Variants in RALGAPA1 observed in about 807,000 individuals in gnomAD.
The protein encoded by RALGAPA1 is Ral GTPase activating protein catalytic subunit alpha 1.
In RALGAPA1, 52 loss-of-function variants were observed where a neutral mutation model predicts 269.6. The ratio of observed to expected loss-of-function variants is 0.19; its 90% CI spans 0.15 to 0.24. The LOEUF (loss-of-function observed/expected upper bound fraction) is 0.24, where lower values mean the gene tolerates loss of function less well. RALGAPA1 is among the 10% of genes least tolerant of loss of function. RALGAPA1 has a pLI of 1.00. For missense variants in RALGAPA1, 1,917 were observed against 3,013.9 expected (o/e 0.64, Z 8.52); for synonymous variants, 817 against 1,008.3 (o/e 0.81, Z 3.60).
chr14:35,582,706 GC>G, intron 37 of RALGAPA1, among the ~76,000 whole-genome samples: 1 of 152,136 alleles, frequency 6.6e-6, no homozygotes, highest in Non-Finnish European at 1.5e-5. Context: ...ATATCCTCTT[GC>G]TTTATGGAGG....
At chr14:35,561,719 A>T (rs942966425) in intron 39 of RALGAPA1, among the ~76,000 whole-genome samples, 1 of 152,062 alleles carries the variant, frequency 6.6e-6, no homozygotes, top group Admixed American at 6.5e-5. Context: ...TATATAGCCC[A>T]GGCTCGTCTT....
At chr14:35,701,341 T>C (rs918078462) in intron 16 of RALGAPA1, among the ~76,000 whole-genome samples, 2 of 152,210 alleles carry the variant, frequency 1.3e-5, no homozygotes. Context: ...TTAACATCAA[T>C]TCAAATTGCT....
chr14:35,760,336 C>T (rs999535220), intron 6 of RALGAPA1, among the ~76,000 whole-genome samples: 2 of 150,966 alleles, frequency 1.3e-5, no homozygotes, highest in Non-Finnish European at 3.0e-5. Context: ...CAGTCCAGAG[C>T]CCACACCGCT....
At chr14:35,799,176 T>G (rs999639452) in intron 1 of RALGAPA1, among the ~76,000 whole-genome samples, 1 of 152,076 alleles carries the variant, frequency 6.6e-6, no homozygotes, top group Non-Finnish European at 1.5e-5. Flanking sequence ...AAAGGTTGGG[T>G]GAAGAAATGG....
chr14:35,772,994 C>T (rs1179545354), intron 3 of RALGAPA1, among the ~76,000 whole-genome samples: 1 of 152,126 alleles, frequency 6.6e-6, no homozygotes, highest in Non-Finnish European at 1.5e-5. Context: ...ACTCTTTTAC[C>T]TTTGTCCTCC....
intron 35 of RALGAPA1, among the ~76,000 whole-genome samples, chr14:35,623,290 C>T (rs185881722): frequency 3.3e-5 from 5 of 152,084 alleles, no homozygotes; most frequent in East Asian, 1.9e-4. Context: ...AAAGCTCCCA[C>T]GAATAGCACG....
chr14:35,809,219 C>G lies in RALGAPA1; in HGVS notation c.-384G>C, dbSNP rs1015615933. 7.6e-5 allele frequency: 17 copies of G among 224,348 alleles called. No homozygotes were observed. Among genetic ancestry groups the G allele is most frequent in the Admixed American group, 3.0e-4 (5 of 16,618 alleles). 13.9% of individuals were successfully genotyped at this position (224,348 alleles called of 1,614,324 possible). On this transcript the variant is annotated 5_prime_UTR_variant, in exon 1 of 42. Transcript: ENST00000680220. The stretch of plus-strand genomic sequence containing the variant: ...AGCTCTCGGCGGCAGGAGCACAACT[C>G]TCTCCCTGAGGCCCCCTTAAGGTTG...
chr14:35,710,263 C>T (rs576854206), intron 16 of RALGAPA1, among the ~76,000 whole-genome samples: 48 of 152,128 alleles, frequency 3.2e-4, no homozygotes, highest in African/African-American at 1.0e-3. Flanking sequence ...GAGAATTAAT[C>T]ATCTTTTTTT....
chr14:35,635,466 T>C lies in RALGAPA1; in HGVS notation c.5809A>G (p.Lys1937Glu), dbSNP rs376098734. Residue 1937 changes from lysine (K) to glutamate (E), a missense_variant and splice_region_variant, in exon 32 of 42, where the codon AAG becomes GAG. Lys to Glu is a moderately conservative substitution (Grantham distance 56, BLOSUM62 1). This residue lies in a region of RALGAPA1 where 346 missense variants were observed against 566.1 expected (regional missense o/e 0.61). Coordinates refer to ENST00000680220, the MANE Select transcript of RALGAPA1 (RefSeq NM_001346249.2). The stretch of plus-strand genomic sequence containing the variant: ...AATAATAAAGCAAGGAAGTTTACCT[T>C]ATAAATGCAATTGAGAACAGATTTT... ...TEKSVLNCIYKVLHGCVYGAQ... is the reference protein window; with the variant it reads ...TEKSVLNCIYEVLHGCVYGAQ... The C allele has an allele frequency of 7.5e-6, 12 of 1,590,894 alleles. No homozygotes were observed. The East Asian group carries it at 2.5e-4, about 33-fold the overall frequency.
In RALGAPA1 at chr14:35,779,280, C is replaced by T. The variant is rs576867158; in HGVS notation, c.107-3535G>A. On this transcript the variant is annotated intron_variant, in intron 1 of 41. Coordinates refer to ENST00000680220, the MANE Select transcript of RALGAPA1 (RefSeq NM_001346249.2). ...GTGGTTGACATCTGTAATCCCAGTA[C>T]TTTAGGAGGCTGAAGTGGGAGGGTT... Among the ~76,000 whole-genome samples, 8 of 152,146 alleles carry T rather than the reference C, an allele frequency of 5.3e-5. No individual in the cohort carries two copies. In the South Asian group the frequency reaches 1.5e-3, roughly 28 times the overall value.
chr14:35,564,477 G>A (rs1447253938), intron 39 of RALGAPA1: 13 of 152,252 alleles, frequency 8.5e-5, no homozygotes, highest in Non-Finnish European at 1.6e-4. Context: ...CTTTGCAACA[G>A]GTACTGGACA....
intron 36 of RALGAPA1, 125 bp from the exon 37 acceptor site, chr14:35,595,914 A>T (rs2058905076): frequency 1.5e-6 from 1 of 679,232 alleles, no homozygotes; most frequent in African/African-American, 1.8e-5. Flanking sequence ...ATCAACCAAT[A>T]TTTAATCTAG....
At chr14:35,675,277 G>C (rs113414901) in intron 22 of RALGAPA1, among the ~76,000 whole-genome samples, 3 of 152,274 alleles carry the variant, frequency 2.0e-5, no homozygotes, top group African/African-American at 7.2e-5. Context: ...CTGGGTTCAC[G>C]CAATTCTCCT....
chr14:35,737,909 G>A (rs986132170), intron 12 of RALGAPA1, among the ~76,000 whole-genome samples: 1 of 149,978 alleles, frequency 6.7e-6, no homozygotes, highest in Admixed American at 6.7e-5. Context: ...CCAACATGGT[G>A]AAACCTTGTC....
intron 36 of RALGAPA1, among the ~76,000 whole-genome samples, chr14:35,597,984 C>T (rs191606192): frequency 1.8e-4 from 28 of 152,258 alleles, no homozygotes; most frequent in Admixed American, 7.8e-4. Flanking sequence ...TTGAAAATAA[C>T]GTATATTCTG....
At chr14:35,706,830 G>A (rs2067853225) in intron 16 of RALGAPA1, 1 of 151,980 alleles carries the variant, frequency 6.6e-6, no homozygotes, top group Non-Finnish European at 1.5e-5. Context: ...TGTTGCTCAT[G>A]CTCTGCCTTT....
At chr14:35,678,738 C>G (rs2065166975) in intron 21 of RALGAPA1, among the ~76,000 whole-genome samples, 1 of 152,268 alleles carries the variant, frequency 6.6e-6, no homozygotes, top group South Asian at 2.1e-4. Flanking sequence ...ACTTCTATGT[C>G]TAGTCATAGA....
intron 18 of RALGAPA1, among the ~76,000 whole-genome samples, 196 bp from the exon 19 acceptor site, chr14:35,686,862 G>A (rs747744693): frequency 2.6e-5 from 4 of 152,194 alleles, no homozygotes; most frequent in Non-Finnish European, 1.5e-5. Flanking sequence ...CTAAGCAGAT[G>A]TTAGTCAATC....
intron 16 of RALGAPA1, among the ~76,000 whole-genome samples, chr14:35,708,500 G>T (rs1212673931): frequency 6.6e-6 from 1 of 152,080 alleles, no homozygotes. Flanking sequence ...ATGCGAAAAG[G>T]TGCTCTACAT....
Sources: allele counts gnomAD v4.1 joint callset (sites outside exome capture counted in the v4.1 genomes callset), GRCh38; gene constraint gnomAD v4.1.1; regional missense constraint gnomAD v4.1.1; transcripts MANE v1.5; gene names NCBI Gene and HGNC (gene_info 2026-07-23, HGNC 2026-07-21).